IPO5: variants seen among roughly 807,000 people sequenced by gnomAD.
IPO5 encodes importin 5.
A neutral mutation model predicts 143.3 loss-of-function variants in IPO5; 18 were observed. The observed-to-expected ratio is 0.13, with a 90% CI of 0.09 to 0.19. The LOEUF (loss-of-function observed/expected upper bound fraction) is 0.19. Ranked by LOEUF, IPO5 falls within the 10% of genes least tolerant of loss-of-function variation. The pLI, the probability that IPO5 is intolerant of heterozygous loss-of-function variation, is 1.00. For missense variants in IPO5, 1,013 were observed against 1,336.9 expected, an observed-to-expected ratio of 0.76 and a Z score of 3.78; for synonymous variants, 477 against 465.7, an observed-to-expected ratio of 1.02 and a Z score of -0.31.
chr13:97,971,290 T>C (rs1223279856), intron 3 of IPO5, among the ~76,000 whole-genome samples: 1 of 152,242 alleles, frequency 6.6e-6, no homozygotes, highest in Non-Finnish European at 1.5e-5. Context: ...TCCTTCAGGA[T>C]TGTTAGGGTC....
intron 3 of IPO5, among the ~76,000 whole-genome samples, chr13:97,975,297 G>C (rs1886179520): frequency 6.6e-6 from 1 of 151,802 alleles, no homozygotes; most frequent in Admixed American, 6.6e-5. Flanking sequence ...GAGACCAACT[G>C]GGCCAACTTG....
chr13:97,979,916 TC>T (rs891786768), intron 4 of IPO5: 1 of 456,594 alleles, frequency 2.2e-6, no homozygotes, highest in Non-Finnish European at 4.4e-6. Flanking sequence ...AAGTCATGTG[TC>T]CCCTCTTTTA....
At chr13:97,982,353 C>G (rs1886923177) in intron 4 of IPO5, 150 bp from the exon 5 acceptor site, 2 of 597,538 alleles carry the variant, frequency 3.3e-6, no homozygotes, top group South Asian at 4.2e-5. Context: ...CCTAACATAT[C>G]TGAAGTGTAT....
chr13:97,965,877 G>T (rs113263575), intron 2 of IPO5, among the ~76,000 whole-genome samples: 155 of 151,982 alleles, frequency 1.0e-3, no homozygotes, highest in African/African-American at 3.7e-3. Flanking sequence ...GGTGGCTCAC[G>T]CCTGTAATCC....
At chr13:97,960,783 T>A (rs538858901) in intron 2 of IPO5, among the ~76,000 whole-genome samples, 29 of 152,306 alleles carry the variant, frequency 1.9e-4, no homozygotes, top group Admixed American at 8.5e-4. Context: ...GGTCTCGAAC[T>A]CCTGACCTCA....
At chr13:98,014,008 TAAAC>T (rs1314846034) in intron 21 of IPO5, 30 bp from the exon 22 acceptor site, 2 of 1,581,016 alleles carry the variant, frequency 1.3e-6, no homozygotes, top group Non-Finnish European at 1.7e-6. Context: ...AGCAAAATAA[TAAAC>T]AGTCTTTTGA....
intron 12 of IPO5, among the ~76,000 whole-genome samples, chr13:97,998,141 A>G (rs1200535518): frequency 6.6e-6 from 1 of 152,142 alleles, no homozygotes; most frequent in Non-Finnish European, 1.5e-5. Context: ...ACGTCCAGCT[A>G]ATTTTTTGTA....
chr13:97,990,485 A>G lies in IPO5; in HGVS notation c.617A>G (p.His206Arg), dbSNP rs746221898. 2 of 1,608,288 alleles carry G rather than the reference A, an allele frequency of 1.2e-6. No homozygotes were observed. Among genetic ancestry groups the G allele is most frequent in the Non-Finnish European group, 1.7e-6 (2 of 1,178,728 alleles). Residue 206 changes from histidine to arginine, a missense_variant, in exon 9 of 29, where the codon CAT becomes CGT. Physicochemically the swap from His to Arg is conservative, Grantham distance 29. Around this residue, in one of 2 missense-constraint regions of IPO5, gnomAD observed 328 missense variants for 342.0 expected, o/e 0.96. Coordinates refer to ENST00000651721, the MANE Select transcript of IPO5 (RefSeq NM_002271.6). The stretch of plus-strand genomic sequence containing the variant: ...GCTGCATTTATACTTGCAAATGAGC[A>G]TAATGTTGCTCTGTTCAAACATTTT... ...ATAAFILANE[H>R]NVALFKHFAD... is the part of the protein sequence containing the mutation.
chr13:97,980,218 G>A (rs1886722740), intron 4 of IPO5, among the ~76,000 whole-genome samples: 1 of 152,166 alleles, frequency 6.6e-6, no homozygotes, highest in African/African-American at 2.4e-5. Flanking sequence ...ATCCCTGTCT[G>A]TGTGGAACTT....
chr13:98,003,630 A>G (rs1335546603), intron 16 of IPO5, among the ~76,000 whole-genome samples: 1 of 152,128 alleles, frequency 6.6e-6, no homozygotes, highest in Non-Finnish European at 1.5e-5. Flanking sequence ...CAGGTGGATC[A>G]CCTGAGGTCA....
intron 11 of IPO5, among the ~76,000 whole-genome samples, chr13:97,993,826 A>C (rs1887998684): frequency 6.6e-6 from 1 of 152,206 alleles, no homozygotes; most frequent in African/African-American, 2.4e-5. Context: ...CTTAATTTAG[A>C]GGGTAAATAC....
chr13:98,012,414 G>A (rs769807539), intron 21 of IPO5, 72 bp downstream of exon 21: 2 of 917,262 alleles, frequency 2.2e-6, no homozygotes, highest in Non-Finnish European at 3.6e-6. Context: ...GTATTAGACA[G>A]TGTTGACTGA....
rs1157544571 is a variant in IPO5 at position 97,969,728 on chromosome 13, GA to G, written c.-104del. On this transcript the variant is annotated 5_prime_UTR_variant, in exon 3 of 29. Transcript: ENST00000651721. ...TTCTGTTTCTGTCAAATCAGCAGAG[GA>G]AAGAAATTCCTAAGGGAACACTGCT... 7.0e-7 allele frequency: 1 copy of G among 1,419,028 alleles called. No individual in the cohort carries two copies. The highest frequency in any genetic ancestry group is 1.4e-5 in the African/African-American group (1 of 70,924). The allele number at this position is 1,419,028 out of a possible 1,614,324, so 87.9% of individuals were successfully genotyped here.
At position 97,976,776 on chromosome 13, in the gene IPO5, A is replaced by G; in HGVS notation, c.80A>G (p.Lys27Arg). Residue 27 changes from lysine (K) to arginine (R), a missense_variant, in exon 4 of 29, where the codon AAA (lysine) becomes AGA (arginine). Coordinates refer to ENST00000651721, the MANE Select transcript of IPO5 (RefSeq NM_002271.6). ...NLLSPDNVVR[K>R]QAEETYENIP... is the part of the protein sequence containing the mutation. ...CTCAGCCCCGACAATGTGGTCCGGA[A>G]ACAGGCAGAGGTAACCGAGTTCGCC... 2 of 1,391,492 alleles carry G rather than the reference A, an allele frequency of 1.4e-6. No homozygotes were observed. The highest frequency in any genetic ancestry group is 1.9e-6 in the Non-Finnish European group (2 of 1,043,314). 86.2% of individuals were successfully genotyped at this position (1,391,492 alleles called of 1,614,324 possible).
rs376565875 is a variant in IPO5, at chr13:97,992,880, C to G, written c.670-12C>G. ...AATCTTCAGCACCGACTTTCTGTTT[C>G]ATCTTTTCTAGGCGGTAAATGACTC... On this transcript the variant is annotated splice_polypyrimidine_tract_variant and intron_variant, in intron 9 of 28. Coordinates refer to ENST00000651721, the MANE Select transcript of IPO5 (RefSeq NM_002271.6). The G allele has an allele frequency of 5.3e-5, 84 of 1,598,972 alleles. No homozygotes were observed. In the African/African-American group the frequency reaches 9.5e-4, roughly 18 times the overall value.
intron 3 of IPO5, among the ~76,000 whole-genome samples, chr13:97,973,606 T>G (rs1243564726): frequency 6.6e-6 from 1 of 152,210 alleles, no homozygotes; most frequent in Non-Finnish European, 1.5e-5. Context: ...GGTCTCTTCA[T>G]TCATTAACCT....
chr13:97,989,723 T>C (rs138874825), intron 7 of IPO5, among the ~76,000 whole-genome samples: 21 of 152,330 alleles, frequency 1.4e-4, no homozygotes, highest in African/African-American at 4.3e-4. Flanking sequence ...TTTTGTACTT[T>C]AGTTGTCATA....
chr13:98,000,555 G>A lies in IPO5; in HGVS notation c.1018G>A (p.Glu340Lys), dbSNP rs762879850. Residue 340 changes from glutamate (E) to lysine (K), a missense_variant, in exon 13 of 29, where the codon GAG becomes AAG. By Grantham distance (56) the Glu-to-Lys change is moderately conservative. Around this residue, in one of 2 missense-constraint regions of IPO5, gnomAD observed 685 missense variants for 994.9 expected, o/e 0.69. Coordinates refer to ENST00000651721, the MANE Select transcript of IPO5 (RefSeq NM_002271.6). ...DDFDSNAVAG[E>K]SALDRMACGL... ...TGTGTTTAGCAATGCAGTTGCAGGC[G>A]AGAGTGCTCTAGATCGAATGGCTTG... The A allele has an allele frequency of 5.6e-6, 9 of 1,613,412 alleles. No homozygotes were observed. The highest frequency in any genetic ancestry group is 3.3e-5 in the South Asian group (3 of 91,060).
At chr13:97,988,896 A>G (rs1041250514) in intron 6 of IPO5, among the ~76,000 whole-genome samples, 166 bp from the exon 7 acceptor site, 2 of 150,826 alleles carry the variant, frequency 1.3e-5, no homozygotes, top group African/African-American at 4.9e-5. Context: ...TTGTGATGCC[A>G]TTTTTATGGC....
Sources: gnomAD v4.1 joint callset for allele counts (sites outside exome capture counted in the v4.1 genomes callset) on GRCh38, gnomAD v4.1.1 for gene constraint, gnomAD v4.1.1 regional missense constraint, MANE v1.5 for transcripts, NCBI Gene and HGNC (gene_info 2026-07-23, HGNC 2026-07-21) for gene names.